The following SRGAP3 variants were observed in gnomAD, a reference collection of about 807,000 sequenced individuals.
SRGAP3 encodes SLIT-ROBO Rho GTPase-activating protein 3.
In SRGAP3, 39 loss-of-function variants were observed where a neutral mutation model predicts 121.1. The observed-to-expected ratio is 0.32, with a 90% CI of 0.25 to 0.42. The LOEUF (loss-of-function observed/expected upper bound fraction) is 0.42. Among genes scored for constraint, SRGAP3 ranks in the 10% least tolerant of loss-of-function variants. The pLI is 1.00. For synonymous variants in SRGAP3, 601 were observed against 570.0 expected (o/e 1.05, Z -0.77); for missense variants, 1,213 against 1,470.6 (o/e 0.82, Z 2.86).
chr3:9,215,492 C>T (rs1040887640), intron 1 of SRGAP3, among the ~76,000 whole-genome samples: 4 of 152,314 alleles, frequency 2.6e-5, no homozygotes, highest in Middle Eastern at 3.4e-3. Flanking sequence ...AATGCTGATG[C>T]TTCATTTTAG....
At chr3:9,028,757 G>A (rs1250393386) in intron 12 of SRGAP3, among the ~76,000 whole-genome samples, 1 of 152,108 alleles carries the variant, frequency 6.6e-6, no homozygotes, top group Non-Finnish European at 1.5e-5. Context: ...TGCTTTTCTT[G>A]GGTATCCACT....
chr3:9,151,466 A>G (rs1950207866), intron 1 of SRGAP3, among the ~76,000 whole-genome samples: 1 of 152,224 alleles, frequency 6.6e-6, no homozygotes, highest in Admixed American at 6.5e-5. Context: ...GATGAGTCAG[A>G]GGATGTGACA....
intron 10 of SRGAP3, among the ~76,000 whole-genome samples, chr3:9,044,203 G>C (rs1945146951): frequency 6.6e-6 from 1 of 152,182 alleles, no homozygotes; most frequent in South Asian, 2.1e-4. Context: ...GAGCCATCCT[G>C]TCAAAAGAGT....
intron 5 of SRGAP3, among the ~76,000 whole-genome samples, chr3:9,061,484 T>C (rs889636757): frequency 1.3e-5 from 2 of 152,216 alleles, no homozygotes; most frequent in Non-Finnish European, 2.9e-5. Context: ...TGGCTTTCGA[T>C]GACAAGCTCA....
chr3:9,302,415 G>A (rs1955074978), intron 3 of SRGAP3, among the ~76,000 whole-genome samples: 1 of 152,214 alleles, frequency 6.6e-6, no homozygotes. Flanking sequence ...CGGCAGAGAA[G>A]CACTTCGCTC....
intron 3 of SRGAP3, among the ~76,000 whole-genome samples, chr3:9,259,417 T>G (rs1400817026): frequency 6.6e-6 from 1 of 152,158 alleles, no homozygotes; most frequent in Non-Finnish European, 1.5e-5. Context: ...TAGCTGGGAC[T>G]ACAGATCATA....
At chr3:9,114,254 A>G (rs1948728544) in intron 2 of SRGAP3, among the ~76,000 whole-genome samples, 1 of 152,180 alleles carries the variant, frequency 6.6e-6, no homozygotes, top group Admixed American at 6.5e-5. Flanking sequence ...TGCCTGGAGG[A>G]CTAAATGACA....
intron 1 of SRGAP3, among the ~76,000 whole-genome samples, chr3:9,163,986 C>CTTT (rs767652463): frequency 3.4e-4 from 28 of 83,318 alleles, no homozygotes; most frequent in Non-Finnish European, 5.0e-4. Context: ...AACTACTATT[C>CTTT]TTTTTTTTTT....
chr3:9,282,548 T>G (rs372160466), intron 3 of SRGAP3, among the ~76,000 whole-genome samples: 1 of 152,166 alleles, frequency 6.6e-6, no homozygotes, highest in Non-Finnish European at 1.5e-5. Flanking sequence ...TGGAGTGCAG[T>G]GGTGAGATCT....
chr3:9,065,695 T>A (rs1241268957), intron 4 of SRGAP3, among the ~76,000 whole-genome samples: 1 of 152,246 alleles, frequency 6.6e-6, no homozygotes, highest in African/African-American at 2.4e-5. Flanking sequence ...GGCTAAGTAT[T>A]CCATTGTATG....
At chr3:9,298,561 C>T (rs1019388630) in intron 3 of SRGAP3, among the ~76,000 whole-genome samples, 1 of 111,680 alleles carries the variant, frequency 9.0e-6, no homozygotes, top group African/African-American at 2.8e-5. Context: ...GAAATGGATC[C>T]TATGTACCCT....
At chr3:9,307,973 G>A (rs1219006851) in intron 3 of SRGAP3, among the ~76,000 whole-genome samples, 1 of 152,248 alleles carries the variant, frequency 6.6e-6, no homozygotes, top group Non-Finnish European at 1.5e-5. Flanking sequence ...TGGCCAATAT[G>A]GCGAAACCCC....
intron 17 of SRGAP3, among the ~76,000 whole-genome samples, chr3:9,012,228 G>T (rs945584517): frequency 6.6e-6 from 1 of 152,170 alleles, no homozygotes. Context: ...TATGCTCACA[G>T]TACTAAGGCA....
intron 1 of SRGAP3, among the ~76,000 whole-genome samples, chr3:9,170,987 C>G (rs564153876): frequency 4.6e-5 from 7 of 152,228 alleles, no homozygotes; most frequent in Non-Finnish European, 8.8e-5. Flanking sequence ...GGACAGCGCA[C>G]GCATCTGAGG....
At chr3:9,329,644 C>T (rs570981417) in intron 2 of SRGAP3, among the ~76,000 whole-genome samples, 35 of 152,194 alleles carry the variant, frequency 2.3e-4, no homozygotes, top group African/African-American at 7.2e-4. Context: ...TGGCAGGGTG[C>T]GGAAGGTGAA....
intron 3 of SRGAP3, among the ~76,000 whole-genome samples, chr3:9,264,002 C>T (rs111262481): frequency 0.23 from 35,130 of 152,060 alleles, 4,335 homozygotes; most frequent in Non-Finnish European, 0.28. Flanking sequence ...TCCAGCAGCA[C>T]GTTCTAAAGC....
intron 1 of SRGAP3, among the ~76,000 whole-genome samples, chr3:9,175,006 T>C (rs1307489167): frequency 1.3e-5 from 2 of 152,100 alleles, no homozygotes. Context: ...TAGCACTCAG[T>C]GCATGCAGGC....
chr3:9,230,568 G>A (rs978299877), intron 1 of SRGAP3, among the ~76,000 whole-genome samples: 2 of 152,096 alleles, frequency 1.3e-5, no homozygotes, highest in Admixed American at 1.3e-4. Flanking sequence ...TGTGGGAGAG[G>A]GAAAAAGAAA....
chr3:9,295,973 C>T lies in SRGAP3; in HGVS notation n.442+30037G>A, dbSNP rs1448766418. 3.3e-5 allele frequency among the ~76,000 whole-genome samples: 5 copies of T among 152,288 alleles called. No individual in the cohort carries two copies. In the South Asian group the frequency reaches 8.3e-4, roughly 25 times the overall value. On this transcript the variant is annotated intron_variant and non_coding_transcript_variant, in intron 3 of 3. Transcript: ENST00000490889. ...CCAACTTGCTGTATTTATCAGAATT[C>T]CTTCCTTTTGAGGCTGAATAATATT...
Sources: gnomAD v4.1 joint callset for allele counts (sites outside exome capture counted in the v4.1 genomes callset) on GRCh38, gnomAD v4.1.1 for gene constraint, MANE v1.5 for transcripts, NCBI Gene and HGNC (gene_info 2026-07-23, HGNC 2026-07-21) for gene names.